SPATA32: variants seen among roughly 807,000 people sequenced by gnomAD.
SPATA32 encodes spermatogenesis-associated protein 32.
A neutral mutation model predicts 35.4 loss-of-function variants in SPATA32; 28 were observed. The observed-to-expected ratio is 0.79, with a 90% CI of 0.59 to 1.09. The LOEUF (loss-of-function observed/expected upper bound fraction) is 1.09. Ranked by LOEUF, SPATA32 falls within the 50% of genes least tolerant of loss-of-function variation. The pLI, the probability that SPATA32 is intolerant of heterozygous loss-of-function variation, is 0.00. For missense variants in SPATA32, 409 were observed against 475.9 expected (o/e 0.86, Z 1.31); for synonymous variants, 168 against 196.3 (o/e 0.86, Z 1.20).
In SPATA32 at chr17:45,256,264, C is replaced by G; in HGVS notation, c.108+112G>C. ...GGTGTGTGTGTGGGTGTACCCACAC[C>G]GGCCTGGTACTAGGGTCCCAGGATT... On this transcript the variant is annotated intron_variant, in intron 3 of 4. Transcript: ENST00000331780. The surrounding 1 kb of genome is among the most constrained non-coding windows in gnomAD (Gnocchi z 4.7). 1 of 1,267,954 alleles carries G rather than the reference C, an allele frequency of 7.9e-7. No homozygotes were observed. Among genetic ancestry groups the G allele is most frequent in the Non-Finnish European group, 1.2e-6 (1 of 867,958 alleles). 78.5% of individuals were successfully genotyped at this position (1,267,954 alleles called of 1,614,324 possible).
rs1261212532 is a variant in SPATA32, at chr17:45,255,600, C to T, written c.582G>A (p.Glu194=). 5 of 1,613,998 alleles carry T rather than the reference C, an allele frequency of 3.1e-6. No individual in the cohort carries two copies. Among genetic ancestry groups the T allele is most frequent in the Non-Finnish European group, 4.2e-6 (5 of 1,180,032 alleles). The part of the protein sequence containing the change: ...AGQPIRSPLR[E]AIPTNALCSE... ...AGCACAGGGCGTTGGTGGGGATGGC[C>T]TCCCGGAGCGGGGATCTGATGGGCT... is the stretch of plus-strand genomic sequence containing the variant. Residue 194 remains glutamate, a synonymous_variant, in exon 4 of 5, where the codon GAG becomes GAA. Transcript: ENST00000331780. The surrounding 1 kb of genome is among the most constrained non-coding windows in gnomAD (Gnocchi z 5.4).
chr17:45,261,799 C>A, intron 1 of SPATA32: 3 of 458,010 alleles, frequency 6.6e-6, no homozygotes, highest in Non-Finnish European at 7.1e-6. Context: ...GTGCACCGCG[C>A]AGGGGCTGAG....
intron 4 of SPATA32, among the ~76,000 whole-genome samples, chr17:45,254,829 C>G (rs866866451): frequency 6.6e-6 from 1 of 152,218 alleles, no homozygotes; most frequent in Non-Finnish European, 1.5e-5. Context: ...GGTGGAAAGC[C>G]GCCTAATGCC....
Position 45,262,017 on chromosome 17 carries a change from G to C in SPATA32, c.-1C>G. ...GGCCGCTCCCACCTGTCACCCCCAT[G>C]CAGACCGAGGCTCTGTCCTGGAGGC... On this transcript the variant is annotated 5_prime_UTR_variant, in exon 1 of 5. Transcript: ENST00000331780. 7.6e-7 allele frequency: 1 copy of C among 1,312,280 alleles called. No individual in the cohort carries two copies. The highest frequency in any genetic ancestry group is 9.8e-7 in the Non-Finnish European group (1 of 1,021,786). The allele number at this position is 1,312,280 out of a possible 1,614,324, so 81.3% of individuals were successfully genotyped here.
intron 4 of SPATA32, 120 bp downstream of exon 4, chr17:45,254,995 A>G: frequency 1.0e-6 from 1 of 973,302 alleles, no homozygotes; most frequent in African/African-American, 1.6e-5. Flanking sequence ...GTCACAGCCC[A>G]CCACATCCTG....
rs1475458437 is a variant in SPATA32, at chr17:45,255,965, G to A, written c.217C>T (p.Leu73=). 6.8e-6 allele frequency: 11 copies of A among 1,614,002 alleles called. No homozygotes were observed. Among genetic ancestry groups the A allele is most frequent in the Non-Finnish European group, 9.3e-6 (11 of 1,180,028 alleles). ...ELEIGQVPAL[L]ESELYPALKL... is the part of the protein sequence containing the mutation. ...AGGGCTGGGTATAGCTCTGACTCCA[G>A]TAAAGCCGGCACCTGTCCGATCTCC... is the stretch of plus-strand genomic sequence containing the variant. Residue 73 remains leucine (L), a synonymous_variant, in exon 4 of 5, where the codon CTG becomes TTG. Coordinates refer to ENST00000331780, the MANE Select transcript of SPATA32 (RefSeq NM_152343.3). The surrounding 1 kb of genome is among the most constrained non-coding windows in gnomAD (Gnocchi z 5.4).
rs775485163 is a variant in SPATA32, at chr17:45,255,225, T to C, written c.957A>G (p.Gln319=). ...CCGGCTTGCTGAAGTCAAAGTAAGA[T>C]TGAGCGAAGTTCTTGTCTTCCTGAC... is the stretch of plus-strand genomic sequence containing the variant. ...SWSQEDKNFA[Q]SYFDFSKPGI... Residue 319 remains glutamine (Q), a synonymous_variant, in exon 4 of 5, where the codon CAA becomes CAG. Coordinates refer to ENST00000331780, the MANE Select transcript of SPATA32 (RefSeq NM_152343.3). The surrounding 1 kb of genome is among the most constrained non-coding windows in gnomAD (Gnocchi z 5.4). 7 of 1,614,086 alleles carry C rather than the reference T, an allele frequency of 4.3e-6. No homozygotes were observed. The highest frequency in any genetic ancestry group is 4.0e-5 in the African/African-American group (3 of 74,928).
chr17:45,255,464 C>T lies in SPATA32; in HGVS notation c.718G>A (p.Glu240Lys), dbSNP rs755009875. ...SDLPPPIDLT[E>K]LITFASSLAM... ...AGGGAAGATGCAAAGGTGATTAGCTCTGTCAGGTCAATGGGTGGCGGGAGA... is the reference window on the plus strand; with the variant it reads ...AGGGAAGATGCAAAGGTGATTAGCTTTGTCAGGTCAATGGGTGGCGGGAGA... The change falls in exon 4 of 5, where the codon GAG (glutamate) becomes AAG (lysine). Residue 240 changes from glutamate to lysine, a missense_variant. By Grantham distance (56) the Glu-to-Lys change is moderately conservative. Transcript: ENST00000331780. The surrounding 1 kb of genome is among the most constrained non-coding windows in gnomAD (Gnocchi z 5.4). The T allele has an allele frequency of 1.2e-6, 2 of 1,614,004 alleles. No homozygotes were observed. Among genetic ancestry groups the T allele is most frequent in the African/African-American group, 2.7e-5 (2 of 74,894 alleles).
chr17:45,255,231 G>A lies in SPATA32; in HGVS notation c.951C>T (p.Phe317=), dbSNP rs1234250876. ...LKSWSQEDKN[F]AQSYFDFSKP... is the part of the protein sequence containing the mutation. ...TGCTGAAGTCAAAGTAAGATTGAGC[G>A]AAGTTCTTGTCTTCCTGACTCCAAG... The change falls in exon 4 of 5, where the codon TTC becomes TTT. Residue 317 remains phenylalanine (F), a synonymous_variant. Transcript: ENST00000331780. The surrounding 1 kb of genome is among the most constrained non-coding windows in gnomAD (Gnocchi z 5.4). The A allele has an allele frequency of 9.3e-6, 15 of 1,614,092 alleles. No homozygotes were observed. The highest frequency in any genetic ancestry group is 2.2e-5 in the East Asian group (1 of 44,900).
In SPATA32 at chr17:45,256,193, C is replaced by T; in HGVS notation, c.109-120G>A. The T allele has an allele frequency of 1.5e-6, 2 of 1,317,934 alleles. No individual in the cohort carries two copies. The highest frequency in any genetic ancestry group is 1.9e-5 in the Admixed American group (1 of 53,710). The allele number at this position is 1,317,934 out of a possible 1,614,324, so 81.6% of individuals were successfully genotyped here. ...TGGGTCCTGCTGTCTTCCCCCCGCCCCCTAACCCCATGCCTGCCTCCTCTC... is the reference window on the plus strand; with the variant it reads ...TGGGTCCTGCTGTCTTCCCCCCGCCTCCTAACCCCATGCCTGCCTCCTCTC... On this transcript the variant is annotated intron_variant, in intron 3 of 4. Transcript: ENST00000331780. The surrounding 1 kb of genome is among the most constrained non-coding windows in gnomAD (Gnocchi z 4.7).
rs2043960088 is a variant in SPATA32, at chr17:45,256,546, GC to G, written c.69-132del. 1.3e-6 allele frequency: 1 copy of G among 756,682 alleles called. No homozygotes were observed. The highest frequency in any genetic ancestry group is 1.7e-5 in the African/African-American group (1 of 58,992). The allele number at this position is 756,682 out of a possible 1,614,324, so 46.9% of individuals were successfully genotyped here. On this transcript the variant is annotated intron_variant, in intron 2 of 4. Coordinates refer to ENST00000331780, the MANE Select transcript of SPATA32 (RefSeq NM_152343.3). This position sits in a 1 kb window ranked among gnomAD's most constrained non-coding sequence, Gnocchi z 4.7. ...CGATGCACCTCCCGCCGACCACCCC[GC>G]CACCAGCTCATCCACTCCCCTGCTG... is the stretch of plus-strand genomic sequence containing the variant.
Position 45,255,093 on chromosome 17 carries a change from C to T in SPATA32, c.1067+22G>A, listed in dbSNP as rs772449588. On this transcript the variant is annotated intron_variant, in intron 4 of 4. Coordinates refer to ENST00000331780, the MANE Select transcript of SPATA32 (RefSeq NM_152343.3). The surrounding 1 kb of genome is among the most constrained non-coding windows in gnomAD (Gnocchi z 5.4). ...TTCTAGCACAGCCCCTCTATGGGAG[C>T]TGCGGGGCTGGCCTCACTCACTCTT... 1.9e-6 allele frequency: 3 copies of T among 1,607,988 alleles called. No homozygotes were observed. The highest frequency in any genetic ancestry group is 3.3e-5 in the Admixed American group (2 of 60,000).
chr17:45,261,428 G>C (rs1412882553), intron 1 of SPATA32, among the ~76,000 whole-genome samples: 1 of 152,176 alleles, frequency 6.6e-6, no homozygotes, highest in Non-Finnish European at 1.5e-5. Flanking sequence ...CCTTCTGGGA[G>C]AGAGGATCCC....
chr17:45,258,608 A>AAGTATATG (rs2043978349), intron 1 of SPATA32, among the ~76,000 whole-genome samples: 1 of 152,182 alleles, frequency 6.6e-6, no homozygotes, highest in African/African-American at 2.4e-5. Context: ...TTAGGGATTC[A>AAGTATATG]AGTGATATTC....
In SPATA32 at chr17:45,255,833, C is replaced by T; in HGVS notation, c.349G>A (p.Gly117Arg). The change falls in exon 4 of 5, where the codon GGG (glycine) becomes AGG (arginine). Residue 117 changes from glycine to arginine, a missense_variant. By Grantham distance (125) the Gly-to-Arg change is moderately radical (BLOSUM62 -2). Transcript: ENST00000331780. The surrounding 1 kb of genome is among the most constrained non-coding windows in gnomAD (Gnocchi z 5.4). Reference sequence around the variant, plus strand: ...CTGAAGGTCTGTGGCGTGGGCAGCCCCATGTTGGAGTGGACGGACTCTATC... The same window carrying T: ...CTGAAGGTCTGTGGCGTGGGCAGCCTCATGTTGGAGTGGACGGACTCTATC... ...CKIESVHSNM[G>R]LPTPQTFRPW... is the part of the protein sequence containing the mutation. The T allele has an allele frequency of 1.2e-6, 2 of 1,614,134 alleles. No homozygotes were observed. Among genetic ancestry groups the T allele is most frequent in the Non-Finnish European group, 1.7e-6 (2 of 1,180,024 alleles).
Position 45,255,830 on chromosome 17 carries a change from G to A in SPATA32, c.352C>T (p.Leu118=). 1 of 1,614,178 alleles carries A rather than the reference G, an allele frequency of 6.2e-7. No individual in the cohort carries two copies. The highest frequency in any genetic ancestry group is 1.3e-5 in the African/African-American group (1 of 75,048). Residue 118 remains leucine, a synonymous_variant, in exon 4 of 5, where the codon CTG becomes TTG. Coordinates refer to ENST00000331780, the MANE Select transcript of SPATA32 (RefSeq NM_152343.3). This position sits in a 1 kb window ranked among gnomAD's most constrained non-coding sequence, Gnocchi z 5.4. ...GGTCTGAAGGTCTGTGGCGTGGGCAGCCCCATGTTGGAGTGGACGGACTCT... is the reference window on the plus strand; with the variant it reads ...GGTCTGAAGGTCTGTGGCGTGGGCAACCCCATGTTGGAGTGGACGGACTCT... ...KIESVHSNMG[L]PTPQTFRPWS...
intron 1 of SPATA32, 61 bp downstream of exon 1, chr17:45,261,943 T>C (rs2044013892): frequency 7.7e-7 from 1 of 1,293,436 alleles, no homozygotes. Flanking sequence ...CCCCTCCCCC[T>C]CTCACTTTCG....
chr17:45,255,125 T>C lies in SPATA32; in HGVS notation c.1057A>G (p.Ser353Gly). ...GCTGGCCTCACTCACTCTTCCTTGC[T>C]TCCCTGCAGCAGAGGGGACGTGGCT... ...PPATSPLLQGSKEDSVPPGKE... is the reference protein window; with the variant it reads ...PPATSPLLQGGKEDSVPPGKE... The change falls in exon 4 of 5, where the codon AGC becomes GGC. Residue 353 changes from serine to glycine, a missense_variant. Physicochemically the swap from Ser to Gly is moderately conservative, Grantham distance 56 (BLOSUM62 0). Transcript: ENST00000331780. The surrounding 1 kb of genome is among the most constrained non-coding windows in gnomAD (Gnocchi z 5.4). 3.1e-6 allele frequency: 5 copies of C among 1,614,086 alleles called. No homozygotes were observed. In the South Asian group the frequency reaches 5.5e-5, roughly 18 times the overall value.
At position 45,260,141 on chromosome 17, in the gene SPATA32, GC is replaced by G. The variant is rs1283272686; in HGVS notation, c.13+1862del. The G allele has an allele frequency of 3.3e-5, 5 of 149,320 alleles. No individual in the cohort carries two copies. In the Admixed American group the frequency reaches 3.4e-4, roughly 10 times the overall value. The allele number at this position is 149,320 out of a possible 1,614,324, so 9.2% of individuals were successfully genotyped here. A position where few individuals can be genotyped will look rare whatever the true frequency, so the allele number is the denominator to read the frequency against. Reference sequence around the variant, plus strand: ...AAAGGAGATGAGGTCTCAGTATGTTGCCCAGGCTGGTCTCAAACTCCTGAGC... The same window carrying G: ...AAAGGAGATGAGGTCTCAGTATGTTGCCAGGCTGGTCTCAAACTCCTGAGC... On this transcript the variant is annotated intron_variant, in intron 1 of 4. Transcript: ENST00000331780.
Sources: allele counts gnomAD v4.1 joint callset (sites outside exome capture counted in the v4.1 genomes callset), GRCh38; gene constraint gnomAD v4.1.1; non-coding constraint Gnocchi (gnomAD v3.1); transcripts MANE v1.5; gene names NCBI Gene and HGNC (gene_info 2026-07-23, HGNC 2026-07-21).